The following STK33 variants were observed in gnomAD, a reference collection of about 807,000 sequenced individuals.
The protein encoded by STK33 is serine/threonine-protein kinase 33.
STK33 carries 52 observed loss-of-function variants against 58.0 expected under a neutral mutation model. The ratio of observed to expected loss-of-function variants is 0.90; its 90% confidence interval spans 0.72 to 1.13. STK33 has a LOEUF of 1.13. Among genes scored for constraint, STK33 ranks in the 50% most tolerant of loss-of-function variants. STK33 has a pLI of 0.00. For synonymous variants in STK33, 215 were observed against 200.1 expected, an observed-to-expected ratio of 1.07 and a Z score of -0.63; for missense variants, 630 against 604.2, an observed-to-expected ratio of 1.04 and a Z score of -0.45.
intron 11 of STK33, among the ~76,000 whole-genome samples, chr11:8,441,790 T>C (rs1473370432): frequency 1.3e-5 from 2 of 152,192 alleles, no homozygotes; most frequent in Non-Finnish European, 2.9e-5. Flanking sequence ...TATATGTATA[T>C]ATTTCAATAG....
At chr11:8,390,525 C>T (rs924405570), downstream of STK33, among the ~76,000 whole-genome samples, 1 of 152,056 alleles carries the variant, frequency 6.6e-6, no homozygotes, top group South Asian at 2.1e-4. Context: ...ATGGCCTGGT[C>T]CAAGTGTGTT....
chr11:8,357,413 C>T, the STK33 span, among the ~76,000 whole-genome samples: 1 of 152,230 alleles, frequency 6.6e-6, no homozygotes, highest in African/African-American at 2.4e-5. Context: ...CGCGGGCCTC[C>T]AGGAGGAAAG....
chr11:8,516,910 G>A (rs1227277607), intron 1 of STK33, among the ~76,000 whole-genome samples: 1 of 152,154 alleles, frequency 6.6e-6, no homozygotes, highest in African/African-American at 2.4e-5. Flanking sequence ...CTGGGGCAGG[G>A]CATAGCTGAA....
chr11:8,461,896 G>T lies in STK33; in HGVS notation c.467C>A (p.Ala156Asp), dbSNP rs749311549. The change falls in exon 8 of 16, where the codon GCT becomes GAT. Residue 156 changes from alanine to aspartate, a missense_variant. Transcript: ENST00000687296. ...KVNKEKAGSS[A>D]VKLLEREVNI... ...CACCTCTCGTTCAAGTAACTTCACA[G>T]CAGAGCTTCCAGCCTTAATCAATGA... 6.3e-6 allele frequency: 10 copies of T among 1,592,966 alleles called. No homozygotes were observed. In the South Asian group the frequency reaches 1.0e-4, roughly 16 times the overall value.
At chr11:8,547,113 G>C (rs1323958797) in intron 1 of STK33, among the ~76,000 whole-genome samples, 1 of 152,042 alleles carries the variant, frequency 6.6e-6, no homozygotes, top group Non-Finnish European at 1.5e-5. Context: ...ATTTTAACTG[G>C]GGCAAAATAT....
chr11:8,363,732 G>A, the STK33 span, among the ~76,000 whole-genome samples: 13 of 152,198 alleles, frequency 8.5e-5, no homozygotes, highest in African/African-American at 3.1e-4. Flanking sequence ...TAATTGTTCT[G>A]TGACCTTTAG....
At chr11:8,560,862 T>C (rs948119380) in intron 1 of STK33, among the ~76,000 whole-genome samples, 1 of 152,182 alleles carries the variant, frequency 6.6e-6, no homozygotes, top group Admixed American at 6.5e-5. Flanking sequence ...CATCTGAGAA[T>C]GCATAGCTGC....
intron 1 of STK33, among the ~76,000 whole-genome samples, chr11:8,539,599 C>A (rs1004270628): frequency 4.6e-5 from 7 of 152,172 alleles, no homozygotes; most frequent in Non-Finnish European, 1.0e-4. Context: ...TAAGAGTAAA[C>A]AACCCAATAG....
chr11:8,384,175 C>T, the STK33 span, among the ~76,000 whole-genome samples: 1 of 149,912 alleles, frequency 6.7e-6, no homozygotes, highest in African/African-American at 2.4e-5. Context: ...TATGGATAAT[C>T]ATAATAATTA....
the STK33 span, among the ~76,000 whole-genome samples, chr11:8,360,211 C>G: frequency 7.9e-5 from 12 of 152,350 alleles, no homozygotes; most frequent in African/African-American, 2.9e-4. Flanking sequence ...ATTGATTTGC[C>G]TGTTCCCAGG....
intron 7 of STK33, 63 bp downstream of exon 7, chr11:8,464,626 GTGTTAGTGTAAAAAGCTGTA>G: frequency 1.1e-6 from 1 of 911,218 alleles, no homozygotes. Flanking sequence ...GAGGCAGCTT[GTGTTAGTGTAAAAAGCTGTA>G]CTGTCCACAC....
At chr11:8,506,353 C>T (rs565963061) in intron 1 of STK33, among the ~76,000 whole-genome samples, 1 of 152,236 alleles carries the variant, frequency 6.6e-6, no homozygotes, top group African/African-American at 2.4e-5. Flanking sequence ...TACTAAAGAG[C>T]CCTATATTCA....
intron 15 of STK33, among the ~76,000 whole-genome samples, chr11:8,405,901 G>A (rs1283217641): frequency 6.6e-6 from 1 of 152,112 alleles, no homozygotes; most frequent in African/African-American, 2.4e-5. Flanking sequence ...CCAGCACTTT[G>A]GGAGGCCGAG....
intron 1 of STK33, among the ~76,000 whole-genome samples, chr11:8,488,705 C>T (rs139904652): frequency 6.6e-6 from 1 of 151,958 alleles, no homozygotes; most frequent in Non-Finnish European, 1.5e-5. Context: ...AAACTACTAC[C>T]ACTACAACCA....
intron 1 of STK33, among the ~76,000 whole-genome samples, chr11:8,523,908 G>A (rs369068566): frequency 3.9e-5 from 6 of 152,340 alleles, no homozygotes; most frequent in South Asian, 2.1e-4. Flanking sequence ...GAAAGAGATC[G>A]GATTGTTACT....
At chr11:8,379,946 A>G in the STK33 span, among the ~76,000 whole-genome samples, 752 of 152,350 alleles carry the variant, frequency 4.9e-3, 7 homozygotes, top group Middle Eastern at 0.048. Flanking sequence ...ATATTCCTGC[A>G]AAGGACGTGA....
At chr11:8,555,057 C>T (rs767100451) in intron 1 of STK33, 1 of 152,090 alleles carries the variant, frequency 6.6e-6, no homozygotes, top group Non-Finnish European at 1.5e-5. Flanking sequence ...TTTTTCTCTT[C>T]AGCCAGGGTT....
intron 11 of STK33, among the ~76,000 whole-genome samples, chr11:8,450,903 T>G (rs1360503734): frequency 1.3e-5 from 2 of 152,190 alleles, no homozygotes; most frequent in Non-Finnish European, 2.9e-5. Context: ...AATAGACACT[T>G]CACCAGAAAC....
the STK33 span, among the ~76,000 whole-genome samples, chr11:8,385,811 T>G: frequency 6.6e-6 from 1 of 151,964 alleles, no homozygotes; most frequent in East Asian, 1.9e-4. Context: ...GTCTCGCTCT[T>G]TTGCCCAGGC....
Sources: gnomAD v4.1 joint callset for allele counts (sites outside exome capture counted in the v4.1 genomes callset) on GRCh38, gnomAD v4.1.1 for gene constraint, MANE v1.5 for transcripts, NCBI Gene and HGNC (gene_info 2026-07-23, HGNC 2026-07-21) for gene names.